The following ACOT9 variants were observed in gnomAD, a reference collection of about 807,000 sequenced individuals.
ACOT9 encodes the protein acyl-CoA thioesterase 9.
Under a neutral mutation model 39.7 loss-of-function variants are expected in ACOT9, and 34 were observed. The ratio of observed to expected loss-of-function variants is 0.86; its 90% CI spans 0.65 to 1.14. ACOT9 has a LOEUF of 1.14. Ranked by LOEUF, ACOT9 falls within the 50% of genes most tolerant of loss-of-function variation. The pLI is 0.00. For synonymous variants in ACOT9, 110 were observed against 120.5 expected (o/e 0.91, Z 0.57); for missense variants, 313 against 344.1 (o/e 0.91, Z 0.71).
intron 9 of ACOT9, among the ~76,000 whole-genome samples, chrX:23,712,782 A>T (rs1928945197): frequency 8.9e-6 from 1 of 111,996 alleles, no homozygotes; most frequent in Non-Finnish European, 1.9e-5. Context: ...CACCACGCCC[A>T]GCTAATTTTT....
intron 1 of ACOT9, among the ~76,000 whole-genome samples, chrX:23,737,774 A>G (rs976269040): frequency 6.3e-5 from 7 of 111,561 alleles, no homozygotes; most frequent in South Asian, 3.7e-4. Context: ...TTATTCTTCA[A>G]TCACACAGCT....
At chrX:23,718,926 AAAG>A (rs1457323732) in intron 8 of ACOT9, among the ~76,000 whole-genome samples, 6 of 103,185 alleles carry the variant, frequency 5.8e-5, no homozygotes, top group Non-Finnish European at 1.2e-4. Context: ...AAAAAAAAAA[AAAG>A]ACTGTAGGCA....
chrX:23,725,924 C>T (rs1281869835), intron 6 of ACOT9, among the ~76,000 whole-genome samples: 15 of 111,265 alleles, frequency 1.3e-4, no homozygotes, highest in Admixed American at 6.7e-4. Context: ...AAAGGCCGGG[C>T]GCAGTGGCTC....
At chrX:23,741,905 C>A (rs914544446) in intron 1 of ACOT9, among the ~76,000 whole-genome samples, 13 of 110,617 alleles carry the variant, frequency 1.2e-4, no homozygotes, top group African/African-American at 4.0e-4. Context: ...GAACTCCTGG[C>A]CTCAAGTGAT....
chrX:23,703,743 T>C lies in ACOT9; in HGVS notation c.*151A>G. 2.3e-6 allele frequency: 1 copy of C among 426,960 alleles called. No individual in the cohort carries two copies. Among genetic ancestry groups the C allele is most frequent in the Non-Finnish European group, 4.1e-6 (1 of 243,643 alleles). The allele number at this position is 426,960 out of a possible 1,213,427, so 35.2% of individuals were successfully genotyped here. A position where few individuals can be genotyped will look rare whatever the true frequency, so the allele number is the denominator to read the frequency against. ...TCAGCCCCATCCGGCCACTCTCTCTTTCTGCTTTTCTGATCATCCTAAAGG... is the reference window on the plus strand; with the variant it reads ...TCAGCCCCATCCGGCCACTCTCTCTCTCTGCTTTTCTGATCATCCTAAAGG... On this transcript the variant is annotated 3_prime_UTR_variant, in exon 16 of 16. Transcript: ENST00000379303.
At chrX:23,743,002 C>T in intron 1 of ACOT9, 123 bp downstream of exon 1, 1 of 871,465 alleles carries the variant, frequency 1.1e-6, no homozygotes, top group Non-Finnish European at 1.5e-6. Flanking sequence ...CGCCCCTTAT[C>T]ATAGAGCCCA....
At chrX:23,732,731 CCTGA>C (rs1162945006) in intron 4 of ACOT9, among the ~76,000 whole-genome samples, 1 of 110,634 alleles carries the variant, frequency 9.0e-6, no homozygotes, top group African/African-American at 3.3e-5. Flanking sequence ...ATATGGGAGG[CCTGA>C]CTAATTTTGA....
chrX:23,718,905 CAAAAAAAAAA>C (rs35558833), intron 8 of ACOT9, among the ~76,000 whole-genome samples: 2 of 37,864 alleles, frequency 5.3e-5, no homozygotes, highest in Admixed American at 7.2e-4. Flanking sequence ...GACTCCGTCT[CAAAAAAAAAA>C]AAAAAAAAAA....
At position 23,713,252 on chromosome X, in the gene ACOT9, T is replaced by C. The variant is rs757517622; in HGVS notation, c.589-44A>G. On this transcript the variant is annotated intron_variant, in intron 8 of 15. Transcript: ENST00000379303. ...AAAATGTACATATGAGAAATGGATT[T>C]ATCGGGAAGACCTACCACGATTCTA... 5.7e-6 allele frequency: 6 copies of C among 1,053,577 alleles called. No individual in the cohort carries two copies. In the South Asian group the frequency reaches 5.8e-5, roughly 10 times the overall value. The allele number at this position is 1,053,577 out of a possible 1,213,427, so 86.8% of individuals were successfully genotyped here.
At chrX:23,739,828 C>A (rs1220714320) in intron 1 of ACOT9, among the ~76,000 whole-genome samples, 1 of 110,139 alleles carries the variant, frequency 9.1e-6, no homozygotes, top group Non-Finnish European at 1.9e-5. Flanking sequence ...CTAAGCCAGG[C>A]ACTATCACGG....
At chrX:23,731,053 A>C (rs766112753) in intron 4 of ACOT9, 67 bp from the exon 5 acceptor site, 1 of 936,249 alleles carries the variant, frequency 1.1e-6, no homozygotes, top group Admixed American at 3.0e-5. Context: ...AGTGGTACAC[A>C]GGCCAGTAAG....
intron 9 of ACOT9, among the ~76,000 whole-genome samples, chrX:23,710,228 C>T (rs902635458): frequency 2.7e-5 from 3 of 112,013 alleles, no homozygotes; most frequent in Admixed American, 9.6e-5. Context: ...TATATCCTAG[C>T]TCTGTCCACT....
chrX:23,724,471 C>A (rs1200890539), intron 6 of ACOT9, among the ~76,000 whole-genome samples: 1 of 108,942 alleles, frequency 9.2e-6, no homozygotes, highest in Non-Finnish European at 1.9e-5. Flanking sequence ...CCTGTCTCTA[C>A]AAAAAACTTT....
intron 8 of ACOT9, among the ~76,000 whole-genome samples, chrX:23,714,187 T>C (rs1232786735): frequency 9.0e-6 from 1 of 111,200 alleles, no homozygotes; most frequent in East Asian, 2.8e-4. Flanking sequence ...GAATCTGAGC[T>C]TCTTGCAGGG....
At chrX:23,726,235 A>G (rs1166709219) in intron 6 of ACOT9, among the ~76,000 whole-genome samples, 2 of 111,728 alleles carry the variant, frequency 1.8e-5, no homozygotes, top group African/African-American at 3.2e-5. Flanking sequence ...AATAAAATAA[A>G]TTCAAAAAAT....
intron 4 of ACOT9, among the ~76,000 whole-genome samples, chrX:23,731,371 G>T (rs1395888646): frequency 9.2e-6 from 1 of 108,989 alleles, no homozygotes; most frequent in African/African-American, 3.3e-5. Flanking sequence ...CAGCTACTTG[G>T]TAGGCTGAGG....
At chrX:23,739,752 G>A (rs937420300) in intron 1 of ACOT9, among the ~76,000 whole-genome samples, 1 of 110,244 alleles carries the variant, frequency 9.1e-6, no homozygotes, top group African/African-American at 3.3e-5. Flanking sequence ...AGCCATGATC[G>A]CACCACTGCA....
intron 8 of ACOT9, among the ~76,000 whole-genome samples, chrX:23,718,087 C>A (rs76133518): frequency 6.6e-4 from 63 of 95,806 alleles, no homozygotes; most frequent in South Asian, 1.6e-3. Flanking sequence ...GACCCTGTCT[C>A]AAAAAAAAAA....
Position 23,705,655 on chromosome X carries a change from C to T in ACOT9, c.934-61G>A. 4 of 1,137,273 alleles carry T rather than the reference C, an allele frequency of 3.5e-6. No homozygotes were observed. In the South Asian group the frequency reaches 7.3e-5, roughly 21 times the overall value. 93.7% of individuals were successfully genotyped at this position (1,137,273 alleles called of 1,213,427 possible). A position where few individuals can be genotyped will look rare whatever the true frequency, so the allele number is the denominator to read the frequency against. On this transcript the variant is annotated intron_variant, in intron 12 of 15. Transcript: ENST00000379303. The stretch of plus-strand genomic sequence containing the variant: ...CTTATGGCCACCTTTGTATACAGAA[C>T]AGAGGAATTAACAATGCCACAGGAC...
Sources: gnomAD v4.1 joint callset for allele counts (sites outside exome capture counted in the v4.1 genomes callset) on GRCh38, gnomAD v4.1.1 for gene constraint, MANE v1.5 for transcripts, NCBI Gene and HGNC (gene_info 2026-07-23, HGNC 2026-07-21) for gene names.